ATP11A: variants seen among roughly 807,000 people sequenced by gnomAD.
ATP11A encodes the protein phospholipid-transporting ATPase IH.
Under a neutral mutation model 154.4 loss-of-function variants are expected in ATP11A, and 81 were observed. The ratio of observed to expected loss-of-function variants is 0.52; its 90% CI spans 0.44 to 0.63. ATP11A has a LOEUF of 0.63. Ranked by LOEUF, ATP11A falls within the 30% of genes least tolerant of loss-of-function variation. The probability of loss-of-function intolerance (pLI) is 0.00; values close to 1 mark genes in which losing one functional copy is unlikely to be tolerated. For missense variants in ATP11A, 1,316 were observed against 1,474.3 expected (o/e 0.89, Z 1.76); for synonymous variants, 623 against 585.9 (o/e 1.06, Z -0.91).
chr13:112,718,541 G>A (rs984003129), intron 1 of ATP11A, among the ~76,000 whole-genome samples: 1 of 152,210 alleles, frequency 6.6e-6, no homozygotes, highest in Non-Finnish European at 1.5e-5. Context: ...GGTGGGGATG[G>A]GAACCCGCAG....
At chr13:112,723,767 T>C (rs942361849) in intron 1 of ATP11A, among the ~76,000 whole-genome samples, 5 of 152,210 alleles carry the variant, frequency 3.3e-5, no homozygotes, top group Admixed American at 1.3e-4. Flanking sequence ...TAGGATTTTA[T>C]TTTTAGTTTG....
At position 112,734,782 on chromosome 13, in the gene ATP11A, G is replaced by A. The variant is rs570727461; in HGVS notation, c.39+44327G>A. ...CACCTGCCCTCATAGCCGCACTTGGGGGGGATCACTATGGTGCCTGGTGGG... is the reference window on the plus strand; with the variant it reads ...CACCTGCCCTCATAGCCGCACTTGGAGGGGATCACTATGGTGCCTGGTGGG... On this transcript the variant is annotated intron_variant, in intron 1 of 29. Coordinates refer to ENST00000375645, the MANE Select transcript of ATP11A (RefSeq NM_015205.3). Among the ~76,000 whole-genome samples the A allele has an allele frequency of 4.6e-5, 7 of 152,168 alleles. No individual in the cohort carries two copies. The South Asian group carries it at 1.5e-3, about 32-fold the overall frequency.
intron 1 of ATP11A, among the ~76,000 whole-genome samples, chr13:112,781,576 A>G (rs2077500369): frequency 6.6e-6 from 1 of 152,068 alleles, no homozygotes; most frequent in Admixed American, 6.5e-5. Context: ...GCAGCCACAG[A>G]GCCAGTGAGC....
At chr13:112,779,416 AGT>A (rs1359459793) in intron 1 of ATP11A, among the ~76,000 whole-genome samples, 2 of 138,962 alleles carry the variant, frequency 1.4e-5, no homozygotes, top group Non-Finnish European at 3.1e-5. Context: ...TAGCCACTGG[AGT>A]GTGTAGCCGC....
intron 16 of ATP11A, among the ~76,000 whole-genome samples, chr13:112,837,982 G>C (rs192933623): frequency 6.6e-6 from 1 of 152,114 alleles, no homozygotes; most frequent in Non-Finnish European, 1.5e-5. Context: ...CAGTCCCACT[G>C]TGTCACACAG....
At chr13:112,799,383 G>A (rs1225838481) in intron 2 of ATP11A, among the ~76,000 whole-genome samples, 1 of 152,176 alleles carries the variant, frequency 6.6e-6, no homozygotes, top group Non-Finnish European at 1.5e-5. Flanking sequence ...GGATGCAAGT[G>A]GGCTGAGTCC....
intron 17 of ATP11A, among the ~76,000 whole-genome samples, chr13:112,843,750 C>T (rs534383604): frequency 6.6e-6 from 1 of 152,330 alleles, no homozygotes; most frequent in South Asian, 2.1e-4. Flanking sequence ...GGACAGGAGC[C>T]CTTTCGCTCG....
intron 2 of ATP11A, among the ~76,000 whole-genome samples, chr13:112,787,147 A>G (rs1168021521): frequency 1.4e-5 from 2 of 144,406 alleles, no homozygotes; most frequent in African/African-American, 5.5e-5. Context: ...GACCTACTTA[A>G]TTCACACCGG....
Position 112,694,176 on chromosome 13 carries a change from T to C in ATP11A, c.39+3721T>C, listed in dbSNP as rs12874740. ...TCTTAGCCATGTGGCCTTGGGCAAGTGGCTTAATTCCTTCTGCCTCAGTTT... is the reference window on the plus strand; with the variant it reads ...TCTTAGCCATGTGGCCTTGGGCAAGCGGCTTAATTCCTTCTGCCTCAGTTT... On this transcript the variant is annotated intron_variant, in intron 1 of 29. Transcript: ENST00000375645. 7.9e-3 allele frequency among the ~76,000 whole-genome samples: 1,204 copies of C among 152,306 alleles called. 11 individuals are homozygous for C. The highest frequency in any genetic ancestry group is 0.013 in the Non-Finnish European group (898 of 68,014).
intron 1 of ATP11A, among the ~76,000 whole-genome samples, chr13:112,758,546 C>T (rs1289568493): frequency 6.6e-6 from 1 of 151,934 alleles, no homozygotes; most frequent in Non-Finnish European, 1.5e-5. Context: ...GCCTCAGCCT[C>T]CCGAGTAGCT....
intron 2 of ATP11A, among the ~76,000 whole-genome samples, chr13:112,803,327 T>C (rs534832763): frequency 1.3e-5 from 2 of 152,336 alleles, no homozygotes; most frequent in South Asian, 2.1e-4. Context: ...AAATAACTTA[T>C]ATTCATGAGC....
At chr13:112,773,201 TCCTGCCCTGCCCTGC>T (rs113451894) in intron 1 of ATP11A, among the ~76,000 whole-genome samples, 13 of 151,528 alleles carry the variant, frequency 8.6e-5, no homozygotes, top group Admixed American at 7.2e-4. Flanking sequence ...CTGTGGCGCC[TCCTGCCCTGCCCTGC>T]CCTGCCCTGC....
At chr13:112,831,635 A>G in intron 13 of ATP11A, 87 bp downstream of exon 13, 1 of 1,464,208 alleles carries the variant, frequency 6.8e-7, no homozygotes, top group Non-Finnish European at 9.3e-7. Context: ...TCGAGTGTCC[A>G]GGAAAATCCA....
chr13:112,717,999 C>T (rs1314913002), intron 1 of ATP11A, among the ~76,000 whole-genome samples: 1 of 152,152 alleles, frequency 6.6e-6, no homozygotes, highest in African/African-American at 2.4e-5. Context: ...TCACTTGAAC[C>T]CAGGAGGCAG....
chr13:112,757,782 C>A lies in ATP11A; in HGVS notation c.40-27353C>A, dbSNP rs1411769398. On this transcript the variant is annotated intron_variant, in intron 1 of 29. Coordinates refer to ENST00000375645, the MANE Select transcript of ATP11A (RefSeq NM_015205.3). Reference sequence around the variant, plus strand: ...AGTCTTTAAAAATACCTACTCAAAACGTCTTTCTTCCTGATTGTCTTGCTG... The same window carrying A: ...AGTCTTTAAAAATACCTACTCAAAAAGTCTTTCTTCCTGATTGTCTTGCTG... Among the ~76,000 whole-genome samples the A allele has an allele frequency of 3.9e-5, 6 of 152,342 alleles. No homozygotes were observed. The East Asian group carries it at 1.2e-3, about 29-fold the overall frequency.
At chr13:112,860,586 CA>C in intron 24 of ATP11A, 172 bp downstream of exon 24, 1 of 689,008 alleles carries the variant, frequency 1.5e-6, no homozygotes, top group Non-Finnish European at 2.4e-6. Context: ...CAACATAGCT[CA>C]AATGGAGATT....
Position 112,791,207 on chromosome 13 carries a change from C to A in ATP11A, c.162+5950C>A, listed in dbSNP as rs998382818. Reference sequence around the variant, plus strand: ...AGAGGTACAGAGAGGCAGGAAGCACCCAGGTGTCCACATACGGTGCCATTG... The same window carrying A: ...AGAGGTACAGAGAGGCAGGAAGCACACAGGTGTCCACATACGGTGCCATTG... On this transcript the variant is annotated intron_variant, in intron 2 of 29. Coordinates refer to ENST00000375645, the MANE Select transcript of ATP11A (RefSeq NM_015205.3). Among the ~76,000 whole-genome samples the A allele has an allele frequency of 2.0e-5, 3 of 152,236 alleles. No individual in the cohort carries two copies. In the South Asian group the frequency reaches 6.2e-4, roughly 31 times the overall value.
intron 1 of ATP11A, among the ~76,000 whole-genome samples, chr13:112,700,044 ATTTTTTT>A: frequency 7.1e-6 from 1 of 139,882 alleles, no homozygotes; most frequent in Non-Finnish European, 1.5e-5. Flanking sequence ...GACAAAGGTA[ATTTTTTT>A]TTTTTTTTTG....
chr13:112,801,450 G>T (rs910024616), intron 2 of ATP11A, among the ~76,000 whole-genome samples: 1 of 152,166 alleles, frequency 6.6e-6, no homozygotes, highest in African/African-American at 2.4e-5. Context: ...AATACAGTAA[G>T]AGTAGAAATG....
Sources: allele counts gnomAD v4.1 joint callset (sites outside exome capture counted in the v4.1 genomes callset), GRCh38; gene constraint gnomAD v4.1.1; transcripts MANE v1.5; gene names NCBI Gene and HGNC (gene_info 2026-07-23, HGNC 2026-07-21).